The following RPTOR variants were observed in gnomAD, a reference collection of about 807,000 sequenced individuals.
RPTOR encodes regulatory associated protein of MTOR complex 1.
In RPTOR, 21 loss-of-function variants were observed where a neutral mutation model predicts 169.9. That is an observed-to-expected ratio of 0.12 (90% CI 0.09 to 0.18). The LOEUF is 0.18. RPTOR is among the 10% of genes least tolerant of loss of function. The pLI, the probability that RPTOR is intolerant of heterozygous loss-of-function variation, is 1.00. For synonymous variants in RPTOR, 732 were observed against 753.2 expected (o/e 0.97, Z 0.46); for missense variants, 1,133 against 1,855.9 (o/e 0.61, Z 7.16).
intron 29 of RPTOR, among the ~76,000 whole-genome samples, chr17:80,958,206 C>CCGG (rs1555641353): frequency 7.3e-6 from 1 of 137,130 alleles, no homozygotes; most frequent in South Asian, 2.3e-4. Flanking sequence ...CACCCCCCCC[C>CCGG]CCCACCACCA....
chr17:80,856,661 C>T (rs1047173847), intron 12 of RPTOR, among the ~76,000 whole-genome samples: 1 of 152,190 alleles, frequency 6.6e-6, no homozygotes, highest in Non-Finnish European at 1.5e-5. Flanking sequence ...GACTCGGTCA[C>T]TTGGTGTGTG....
At position 80,744,575 on chromosome 17, in the gene RPTOR, A is replaced by T. The variant is rs369347478; in HGVS notation, c.655-9435A>T. Among the ~76,000 whole-genome samples, 34 of 36,924 alleles carry T rather than the reference A, an allele frequency of 9.2e-4. 2 individuals carry two copies. Among genetic ancestry groups the T allele is most frequent in the Non-Finnish European group, 1.3e-3 (23 of 18,014 alleles). 24.2% of individuals were successfully genotyped at this position (36,924 alleles called of 152,430 possible). On this transcript the variant is annotated intron_variant, in intron 5 of 33. Transcript: ENST00000306801. The stretch of plus-strand genomic sequence containing the variant: ...CTAGCACTGTCCTGGTTACGAGCAC[A>T]GCCCTGGCTACTAGCACTGTCCTGG...
chr17:80,548,423 C>T (rs887817690), intron 1 of RPTOR, among the ~76,000 whole-genome samples: 3 of 134,680 alleles, frequency 2.2e-5, no homozygotes, highest in Non-Finnish European at 3.1e-5. Flanking sequence ...TTCTTGTTGC[C>T]CAGGCTGGAG....
intron 21 of RPTOR, among the ~76,000 whole-genome samples, chr17:80,910,755 G>T (rs144007326): frequency 1.3e-5 from 2 of 151,946 alleles, no homozygotes; most frequent in Admixed American, 6.5e-5. Context: ...GTGGCTTTCG[G>T]TTCCTTCAAC....
rs2065594272 is a variant in RPTOR, at chr17:80,646,191, A to G, written c.348+2381A>G. 6.6e-6 allele frequency among the ~76,000 whole-genome samples: 1 copy of G among 152,112 alleles called. No individual in the cohort carries two copies. The highest frequency in any genetic ancestry group is 6.5e-5 in the Admixed American group (1 of 15,278). ...AAAACCACAACAATGGACACCTAAT[A>G]TTTGCTTTTCGAATGCCAACACCAT... On this transcript the variant is annotated intron_variant, in intron 3 of 33. Coordinates refer to ENST00000306801, the MANE Select transcript of RPTOR (RefSeq NM_020761.3). The surrounding 1 kb of genome is among the most constrained non-coding windows in gnomAD (Gnocchi z 5.0).
intron 11 of RPTOR, among the ~76,000 whole-genome samples, chr17:80,853,208 G>T (rs1187295008): frequency 6.6e-6 from 1 of 152,130 alleles, no homozygotes; most frequent in Non-Finnish European, 1.5e-5. Flanking sequence ...CGTCGGCGGG[G>T]CCTTTCCCTA....
intron 3 of RPTOR, among the ~76,000 whole-genome samples, chr17:80,705,542 A>G (rs904823553): frequency 6.6e-6 from 1 of 152,234 alleles, no homozygotes; most frequent in African/African-American, 2.4e-5. Flanking sequence ...ATGTTGTCAT[A>G]AATTAGAGTT....
chr17:80,955,491 T>G (rs904498075), intron 28 of RPTOR, among the ~76,000 whole-genome samples: 3 of 151,888 alleles, frequency 2.0e-5, no homozygotes, highest in Non-Finnish European at 4.4e-5. Flanking sequence ...TTCCTAACAG[T>G]GAGGAACAAA....
At chr17:80,744,878 C>T (rs1434302417) in intron 5 of RPTOR, among the ~76,000 whole-genome samples, 1 of 119,420 alleles carries the variant, frequency 8.4e-6, no homozygotes, top group African/African-American at 2.9e-5. Flanking sequence ...TGGTTACGAG[C>T]ACAGCCCTGG....
intron 1 of RPTOR, among the ~76,000 whole-genome samples, chr17:80,624,749 G>A (rs193274321): frequency 6.6e-6 from 1 of 152,252 alleles, no homozygotes; most frequent in East Asian, 1.9e-4. Context: ...CGGCTTAAAG[G>A]GTCAATGTAA....
intron 1 of RPTOR, among the ~76,000 whole-genome samples, chr17:80,615,338 A>G (rs1467933412): frequency 1.3e-5 from 2 of 152,074 alleles, no homozygotes; most frequent in African/African-American, 2.4e-5. Context: ...CAGGGTCTAG[A>G]ATTGGATCTT....
Position 80,956,157 on chromosome 17 carries a change from A to G in RPTOR, c.3371-1467A>G, listed in dbSNP as rs959760912. 3.3e-5 allele frequency among the ~76,000 whole-genome samples: 5 copies of G among 152,200 alleles called. 1 individual carries two copies. Among genetic ancestry groups the G allele is most frequent in the Admixed American group, 6.5e-5 (1 of 15,282 alleles). On this transcript the variant is annotated intron_variant, in intron 28 of 33. Coordinates refer to ENST00000306801, the MANE Select transcript of RPTOR (RefSeq NM_020761.3). ...GGGAGGCGCCCTCAGCCCAAGGGAC[A>G]GCCCTCCCAGGCAGGCGCAGGGGCA...
intron 24 of RPTOR, among the ~76,000 whole-genome samples, chr17:80,930,364 C>CTCCAG (rs2068873354): frequency 1.8e-5 from 1 of 55,338 alleles, no homozygotes; most frequent in Admixed American, 1.9e-4. Flanking sequence ...CCCAGCTCAT[C>CTCCAG]CTCAGCTCAT....
intron 7 of RPTOR, among the ~76,000 whole-genome samples, chr17:80,817,109 G>A (rs1024738707): frequency 5.3e-5 from 8 of 152,226 alleles, no homozygotes; most frequent in Non-Finnish European, 1.0e-4. Context: ...CCACCGAGCC[G>A]CACAGCGGGA....
intron 20 of RPTOR, 32 bp from the exon 21 acceptor site, chr17:80,908,779 C>G: frequency 6.6e-7 from 1 of 1,524,500 alleles, no homozygotes; most frequent in Non-Finnish European, 9.1e-7. Context: ...CAGCTACTTT[C>G]CACTAAAACA....
At chr17:80,807,843 G>A (rs181966939) in intron 7 of RPTOR, among the ~76,000 whole-genome samples, 1 of 152,116 alleles carries the variant, frequency 6.6e-6, no homozygotes, top group Admixed American at 6.5e-5. Flanking sequence ...GGCCATGTAA[G>A]GTCTCTGTCT....
At chr17:80,595,737 A>G (rs2065140034) in intron 1 of RPTOR, among the ~76,000 whole-genome samples, 1 of 152,240 alleles carries the variant, frequency 6.6e-6, no homozygotes, top group South Asian at 2.1e-4. Context: ...GATTTTGGGC[A>G]TGAGCCATCG....
At chr17:80,671,263 C>CG (rs1598208937) in intron 3 of RPTOR, among the ~76,000 whole-genome samples, 1 of 152,082 alleles carries the variant, frequency 6.6e-6, no homozygotes, top group African/African-American at 2.4e-5. Flanking sequence ...CCTCCAGGCT[C>CG]GGCACAGTAG....
chr17:80,841,235 C>T (rs2067647852), intron 10 of RPTOR, among the ~76,000 whole-genome samples: 1 of 111,104 alleles, frequency 9.0e-6, no homozygotes, highest in African/African-American at 3.8e-5. Flanking sequence ...CTCACTCTCA[C>T]CGCACGGCAG....
Sources: allele counts gnomAD v4.1 joint callset (sites outside exome capture counted in the v4.1 genomes callset), GRCh38; gene constraint gnomAD v4.1.1; non-coding constraint Gnocchi (gnomAD v3.1); transcripts MANE v1.5; gene names NCBI Gene and HGNC (gene_info 2026-07-23, HGNC 2026-07-21).